FOXP1: variants seen among roughly 807,000 people sequenced by gnomAD.
FOXP1 encodes the protein forkhead box P1, also known as forkhead box protein P1.
Under a neutral mutation model 98.2 loss-of-function variants are expected in FOXP1, and 15 were observed. The observed-to-expected ratio is 0.15, with a 90% confidence interval of 0.10 to 0.24. FOXP1 has a LOEUF of 0.24. Among genes scored for constraint, FOXP1 ranks in the 10% least tolerant of loss-of-function variants. The pLI is 1.00. For missense variants in FOXP1, 633 were observed against 848.5 expected (o/e 0.75, Z 3.15); for synonymous variants, 371 against 314.5 (o/e 1.18, Z -1.90).
At chr3:71,339,614 C>T (rs183658883) in intron 4 of FOXP1, among the ~76,000 whole-genome samples, 1 of 152,166 alleles carries the variant, frequency 6.6e-6, no homozygotes, top group African/African-American at 2.4e-5. Flanking sequence ...AAAATTAGTC[C>T]CTCATTACAG....
In FOXP1 at chr3:71,313,534, CTTTT is replaced by C. The variant is rs569229839; in HGVS notation, c.-72-13658_-72-13655del. Among the ~76,000 whole-genome samples, 9 of 145,410 alleles carry C rather than the reference CTTTT, an allele frequency of 6.2e-5. No homozygotes were observed. The East Asian group carries it at 1.8e-3, about 30-fold the overall frequency. ...AGATCGAGTATCTGCATTTCTTTTT[CTTTT>C]TTTTTTTGAGACAGTCTCGCACTCT... On this transcript the variant is annotated intron_variant, in intron 4 of 20. Coordinates refer to ENST00000649528, the MANE Select transcript of FOXP1 (RefSeq NM_001349338.3).
rs565050417 is a variant in FOXP1, at chr3:71,448,309, G to A, written c.-168+45117C>T. On this transcript the variant is annotated intron_variant, in intron 3 of 20. Coordinates refer to ENST00000649528, the MANE Select transcript of FOXP1 (RefSeq NM_001349338.3). ...CAAAATCCTGCTCCATTAAGTCTGCGAAAACAGTATGGGCACTAAATGCTT... is the reference window on the plus strand; with the variant it reads ...CAAAATCCTGCTCCATTAAGTCTGCAAAAACAGTATGGGCACTAAATGCTT... 2.1e-4 allele frequency among the ~76,000 whole-genome samples: 32 copies of A among 152,264 alleles called. No homozygotes were observed. In the East Asian group the frequency reaches 4.4e-3, roughly 21 times the overall value.
intron 5 of FOXP1, among the ~76,000 whole-genome samples, chr3:71,221,873 G>A (rs367840734): frequency 5.9e-5 from 9 of 152,152 alleles, no homozygotes; most frequent in Admixed American, 3.3e-4. Flanking sequence ...AAAGTCCTTC[G>A]TCCGGGTGCA....
At chr3:71,504,648 G>A (rs1047218315) in intron 2 of FOXP1, among the ~76,000 whole-genome samples, 12 of 152,106 alleles carry the variant, frequency 7.9e-5, no homozygotes, top group Middle Eastern at 3.2e-3. Context: ...CACATTCCAG[G>A]GTGTGTGGAA....
chr3:70,991,487 T>A (rs564126893), intron 13 of FOXP1, among the ~76,000 whole-genome samples: 1 of 152,300 alleles, frequency 6.6e-6, no homozygotes, highest in African/African-American at 2.4e-5. Context: ...CTTAAACTCA[T>A]TATTTTAACA....
intron 2 of FOXP1, among the ~76,000 whole-genome samples, chr3:71,531,128 A>G (rs755730234): frequency 6.6e-6 from 1 of 152,220 alleles, no homozygotes; most frequent in Non-Finnish European, 1.5e-5. Flanking sequence ...TCCACCTCTG[A>G]GGAGGGACGC....
chr3:70,979,300 A>AAAAAAAG (rs1553670568), intron 14 of FOXP1, among the ~76,000 whole-genome samples: 64 of 115,108 alleles, frequency 5.6e-4, no homozygotes, highest in Non-Finnish European at 1.2e-3. Context: ...AAAAAAAAAA[A>AAAAAAAG]AAAAAAAAAA....
At chr3:71,021,214 C>G (rs2045378714) in intron 11 of FOXP1, among the ~76,000 whole-genome samples, 2 of 152,214 alleles carry the variant, frequency 1.3e-5, no homozygotes, top group African/African-American at 4.8e-5. Flanking sequence ...TCCCAACTCC[C>G]AGCCCTTGCC....
At chr3:71,204,350 T>C (rs1217182471) in intron 5 of FOXP1, among the ~76,000 whole-genome samples, 1 of 152,092 alleles carries the variant, frequency 6.6e-6, no homozygotes. Flanking sequence ...TTTTAAGCAG[T>C]GGGGTGCAGC....
At chr3:71,275,799 G>A (rs966372117) in intron 5 of FOXP1, among the ~76,000 whole-genome samples, 2 of 152,116 alleles carry the variant, frequency 1.3e-5, no homozygotes, top group South Asian at 2.1e-4. Flanking sequence ...TGGAGGTTAC[G>A]GGAGTGGTTC....
chr3:71,397,012 A>ATATATATATACACACATATATATGTG (rs2081495544), intron 3 of FOXP1, among the ~76,000 whole-genome samples: 1 of 33,644 alleles, frequency 3.0e-5, no homozygotes, highest in Admixed American at 2.6e-4. Flanking sequence ...ATATGTGTAT[A>ATATATATATACACACATATATATGTG]TATATATATA....
chr3:71,158,083 A>AAGGAAGGAAGGAAG (rs1391195041), intron 6 of FOXP1, among the ~76,000 whole-genome samples: 798 of 42,114 alleles, frequency 0.019, 173 homozygotes, highest in Middle Eastern at 0.042. Context: ...GTAAGACGAA[A>AAGGAAGGAAGGAAG]GAAGGAAGGA....
At chr3:71,005,804 G>T (rs1235287917) in intron 12 of FOXP1, among the ~76,000 whole-genome samples, 1 of 152,104 alleles carries the variant, frequency 6.6e-6, no homozygotes, top group Non-Finnish European at 1.5e-5. Flanking sequence ...TGTGAGAGAC[G>T]GAGAGCATTT....
chr3:70,981,918 G>A (rs1373394768), intron 14 of FOXP1, among the ~76,000 whole-genome samples: 7 of 152,230 alleles, frequency 4.6e-5, no homozygotes, highest in African/African-American at 1.7e-4. Context: ...TCCAAACACA[G>A]GGTGCTTTGC....
chr3:70,959,755 T>A, intron 20 of FOXP1, among the ~76,000 whole-genome samples: 1 of 152,216 alleles, frequency 6.6e-6, no homozygotes, highest in East Asian at 1.9e-4. Flanking sequence ...TGGTGGCATT[T>A]CTCATACTTT....
intron 5 of FOXP1, among the ~76,000 whole-genome samples, chr3:71,220,919 C>CT (rs200376632): frequency 8.4e-4 from 34 of 40,516 alleles, no homozygotes; most frequent in African/African-American, 2.7e-3. Flanking sequence ...TATTAATCCT[C>CT]TTTTTTTTTT....
chr3:71,089,794 C>T (rs1290358515), intron 7 of FOXP1, among the ~76,000 whole-genome samples: 2 of 152,206 alleles, frequency 1.3e-5, no homozygotes, highest in Non-Finnish European at 2.9e-5. Flanking sequence ...GCCACTATAG[C>T]GTGCTGTTGC....
chr3:71,298,946 C>A (rs560270979), intron 5 of FOXP1, among the ~76,000 whole-genome samples: 2 of 152,274 alleles, frequency 1.3e-5, no homozygotes, highest in African/African-American at 4.8e-5. Context: ...TGTTTTTAGA[C>A]AGACACAAAT....
intron 4 of FOXP1, among the ~76,000 whole-genome samples, chr3:71,346,514 T>TA: frequency 6.6e-6 from 1 of 152,190 alleles, no homozygotes; most frequent in East Asian, 1.9e-4. Context: ...ACAGTAATAG[T>TA]ATAGTATCCA....
Sources: allele counts gnomAD v4.1 joint callset (sites outside exome capture counted in the v4.1 genomes callset), GRCh38; gene constraint gnomAD v4.1.1; transcripts MANE v1.5; gene names NCBI Gene and HGNC (gene_info 2026-07-23, HGNC 2026-07-21).